The following ETHE1 variants were observed in gnomAD, a reference collection of about 807,000 sequenced individuals.
The protein encoded by ETHE1 is persulfide dioxygenase ETHE1, mitochondrial.
In ETHE1, 16 loss-of-function variants were observed where a neutral mutation model predicts 25.7. The observed-to-expected ratio is 0.62, with a 90% CI of 0.42 to 0.95. The LOEUF (loss-of-function observed/expected upper bound fraction) is 0.95. ETHE1 is among the 40% of genes least tolerant of loss of function. The pLI is 0.00. For synonymous variants in ETHE1, 139 were observed against 135.9 expected (o/e 1.02, Z -0.16); for missense variants, 300 against 333.6 (o/e 0.90, Z 0.79).
intron 3 of ETHE1, among the ~76,000 whole-genome samples, chr19:43,517,317 G>T (rs1972040485): frequency 1.8e-4 from 1 of 5,648 alleles, no homozygotes; most frequent in Non-Finnish European, 3.4e-4. Context: ...AGGTAAAGTA[G>T]GCTAACCTAT....
intron 3 of ETHE1, among the ~76,000 whole-genome samples, chr19:43,519,444 G>T (rs984964512): frequency 6.6e-6 from 1 of 152,056 alleles, no homozygotes; most frequent in Admixed American, 6.6e-5. Flanking sequence ...GAAACTTGTC[G>T]AGTGATTTCC....
chr19:43,511,282 G>A (rs1425345674), intron 4 of ETHE1, among the ~76,000 whole-genome samples, 155 bp downstream of exon 4: 1 of 152,122 alleles, frequency 6.6e-6, no homozygotes, highest in Non-Finnish European at 1.5e-5. Context: ...CAAAAAGGTT[G>A]GGGACCACTG....
At chr19:43,524,765 T>C (rs1972205953) in intron 3 of ETHE1, among the ~76,000 whole-genome samples, 1 of 151,252 alleles carries the variant, frequency 6.6e-6, no homozygotes, top group Non-Finnish European at 1.5e-5. Flanking sequence ...GATCCCACCA[T>C]TGCACTCCAG....
chr19:43,508,067 G>A lies in ETHE1; in HGVS notation c.596-7C>T, dbSNP rs751515256. ...ACGGTGGACACTGTGAACCCTAGGG[G>A]CCAAGGGAGGGGAAGGAAAGTCAAG... On this transcript the variant is annotated splice_polypyrimidine_tract_variant and splice_region_variant and intron_variant, in intron 5 of 6. Transcript: ENST00000292147. The A allele has an allele frequency of 4.2e-5, 67 of 1,613,346 alleles. No homozygotes were observed. The highest frequency in any genetic ancestry group is 5.4e-5 in the Non-Finnish European group (64 of 1,179,856).
At chr19:43,518,334 T>C (rs938074440) in intron 3 of ETHE1, among the ~76,000 whole-genome samples, 3 of 150,214 alleles carry the variant, frequency 2.0e-5, no homozygotes, top group African/African-American at 7.3e-5. Flanking sequence ...CTGGGCAACA[T>C]GGTGAGATCC....
chr19:43,526,893 C>T, intron 1 of ETHE1: 1 of 1,475,372 alleles, frequency 6.8e-7, no homozygotes, highest in Non-Finnish European at 8.9e-7. Context: ...TCATAGAGGA[C>T]CCAGGGGTCT....
chr19:43,523,615 G>C (rs758770329), intron 3 of ETHE1, among the ~76,000 whole-genome samples: 4 of 152,054 alleles, frequency 2.6e-5, no homozygotes, highest in Non-Finnish European at 4.4e-5. Context: ...AAAAATAAAG[G>C]AGAGAAAAAT....
At chr19:43,508,502 G>C (rs1404196409) in intron 5 of ETHE1, among the ~76,000 whole-genome samples, 3 of 151,998 alleles carry the variant, frequency 2.0e-5, no homozygotes, top group Admixed American at 1.3e-4. Context: ...ACCATGCCTG[G>C]CTAATTTCTT....
chr19:43,526,506 C>T lies in ETHE1; in HGVS notation c.226+9G>A. ...CGCTGGGATCCATGAGTTTGGTCCC[C>T]GGACTGACCAGCATAGAGCAGCCGC... On this transcript the variant is annotated intron_variant, in intron 2 of 6. Coordinates refer to ENST00000292147, the MANE Select transcript of ETHE1 (RefSeq NM_014297.5). 1 of 1,612,300 alleles carries T rather than the reference C, an allele frequency of 6.2e-7. No homozygotes were observed.
At chr19:43,520,762 T>C (rs529814075) in intron 3 of ETHE1, among the ~76,000 whole-genome samples, 3 of 152,200 alleles carry the variant, frequency 2.0e-5, no homozygotes, top group Admixed American at 2.0e-4. Context: ...TAATAAAATG[T>C]TGGAAGAAAA....
Position 43,507,999 on chromosome 19 carries a change from A to G in ETHE1, c.657T>C (p.Cys219=). Residue 219 remains cysteine, a synonymous_variant, in exon 6 of 7, where the codon TGT becomes TGC. Transcript: ENST00000292147. The part of the protein sequence containing the change: ...RTLNPRLTLS[C]EEFVKIMGNL... ...TGCCCATGATTTTGACAAACTCCTC[A>G]CAGCTGAGGGTGAGCCGAGGGTTCA... The G allele has an allele frequency of 6.2e-7, 1 of 1,614,138 alleles. No homozygotes were observed. Among genetic ancestry groups the G allele is most frequent in the Non-Finnish European group, 8.5e-7 (1 of 1,180,022 alleles).
chr19:43,511,384 T>G (rs1971911511), intron 4 of ETHE1, 53 bp downstream of exon 4: 2 of 1,613,444 alleles, frequency 1.2e-6, no homozygotes, highest in Non-Finnish European at 1.7e-6. Context: ...CTTCAACACT[T>G]GACACACACG....
rs1971776358 is a variant in ETHE1 at position 43,506,750 on chromosome 19, C to T, written c.*100G>A. On this transcript the variant is annotated 3_prime_UTR_variant, in exon 7 of 7. Coordinates refer to ENST00000292147, the MANE Select transcript of ETHE1 (RefSeq NM_014297.5). ...TAAAAAAAGTTTTATTTAGGGAGCT[C>T]CAGGGAATGCGGTGGGAAAGGAGAG... 2.6e-6 allele frequency: 3 copies of T among 1,158,092 alleles called. No individual in the cohort carries two copies. The highest frequency in any genetic ancestry group is 1.5e-5 in the African/African-American group (1 of 66,066). The allele number at this position is 1,158,092 out of a possible 1,614,324, so 71.7% of individuals were successfully genotyped here. A position where few individuals can be genotyped will look rare whatever the true frequency, so the allele number is the denominator to read the frequency against.
rs1275640552 is a variant in ETHE1, at chr19:43,526,513, AC to A, written c.226+1del. The A allele has an allele frequency of 6.2e-7, 1 of 1,612,926 alleles. No individual in the cohort carries two copies. The highest frequency in any genetic ancestry group is 8.5e-7 in the Non-Finnish European group (1 of 1,179,604). The stretch of plus-strand genomic sequence containing the variant: ...ATCCATGAGTTTGGTCCCCGGACTG[AC>A]CAGCATAGAGCAGCCGCAGCCCCAG... On this transcript the variant is annotated splice_donor_variant, in intron 2 of 6. Coordinates refer to ENST00000292147, the MANE Select transcript of ETHE1 (RefSeq NM_014297.5). LOFTEE classifies it high-confidence loss of function.
chr19:43,508,750 C>A, intron 5 of ETHE1, 25 bp downstream of exon 5: 1 of 1,548,098 alleles, frequency 6.5e-7, no homozygotes, highest in East Asian at 2.3e-5. Flanking sequence ...ATGTACGCCC[C>A]ACACCTCTTC....
chr19:43,523,586 A>AT (rs1972179230), intron 3 of ETHE1, among the ~76,000 whole-genome samples: 2 of 151,892 alleles, frequency 1.3e-5, no homozygotes, highest in Non-Finnish European at 2.9e-5. Flanking sequence ...CTAACAATTC[A>AT]TTTTTTTAAA....
chr19:43,520,147 G>A (rs750517350), intron 3 of ETHE1, among the ~76,000 whole-genome samples: 2 of 151,516 alleles, frequency 1.3e-5, no homozygotes, highest in Non-Finnish European at 2.9e-5. Flanking sequence ...TCAGGAGTTC[G>A]AGACCAGCCT....
At chr19:43,520,354 T>A (rs1972115898) in intron 3 of ETHE1, among the ~76,000 whole-genome samples, 1 of 151,778 alleles carries the variant, frequency 6.6e-6, no homozygotes, top group South Asian at 2.1e-4. Context: ...AGAGTGAGAC[T>A]CCATCTCAAA....
At chr19:43,527,076 C>T (rs1972268655) in intron 1 of ETHE1, 21 bp downstream of exon 1, 1 of 1,548,922 alleles carries the variant, frequency 6.5e-7, no homozygotes, top group African/African-American at 1.4e-5. Context: ...GCAGTCCCCT[C>T]CTAGGTCCAG....
Sources: gnomAD v4.1 joint callset for allele counts (sites outside exome capture counted in the v4.1 genomes callset) on GRCh38, gnomAD v4.1.1 for gene constraint, MANE v1.5 for transcripts, NCBI Gene and HGNC (gene_info 2026-07-23, HGNC 2026-07-21) for gene names.